TP63: variants seen among roughly 807,000 people sequenced by gnomAD.
The protein encoded by TP63 is tumor protein p63.
In TP63, 17 loss-of-function variants were observed where a neutral mutation model predicts 82.8. That is an observed-to-expected ratio of 0.21 (90% CI 0.14 to 0.31). The LOEUF is 0.31. Ranked by LOEUF, TP63 falls within the 10% of genes least tolerant of loss-of-function variation. TP63 has a pLI of 1.00. For missense variants in TP63, 648 were observed against 895.3 expected (o/e 0.72, Z 3.52); for synonymous variants, 330 against 321.7 (o/e 1.03, Z -0.28).
At chr3:189,824,061 C>T (rs765813861) in intron 4 of TP63, among the ~76,000 whole-genome samples, 5 of 152,078 alleles carry the variant, frequency 3.3e-5, no homozygotes, top group Non-Finnish European at 5.9e-5. Flanking sequence ...TCAAGAGGAT[C>T]CTTTCAAAGG....
intron 3 of TP63, among the ~76,000 whole-genome samples, chr3:189,789,232 T>C (rs1724878428): frequency 6.6e-6 from 1 of 152,102 alleles, no homozygotes; most frequent in African/African-American, 2.4e-5. Flanking sequence ...TTTCTAACTT[T>C]GTGTAATCAT....
At chr3:189,671,315 C>T (rs1471109071) in intron 1 of TP63, among the ~76,000 whole-genome samples, 1 of 151,910 alleles carries the variant, frequency 6.6e-6, no homozygotes, top group Non-Finnish European at 1.5e-5. Flanking sequence ...CAGGGAAATG[C>T]AAATCAAAAC....
chr3:189,804,348 G>A (rs1007833819), intron 3 of TP63, among the ~76,000 whole-genome samples: 1 of 152,126 alleles, frequency 6.6e-6, no homozygotes, highest in African/African-American at 2.4e-5. Flanking sequence ...CAGCTTCATG[G>A]GCATAAAAAC....
chr3:189,867,269 C>T (rs925387904), intron 6 of TP63, among the ~76,000 whole-genome samples: 1 of 152,144 alleles, frequency 6.6e-6, no homozygotes, highest in Non-Finnish European at 1.5e-5. Flanking sequence ...TAACAGGACC[C>T]AAGTTCTTTG....
intron 3 of TP63, among the ~76,000 whole-genome samples, chr3:189,806,106 T>C (rs375537612): frequency 6.8e-6 from 1 of 148,006 alleles, no homozygotes; most frequent in Admixed American, 6.7e-5. Context: ...TAAGTCCTTG[T>C]TGAATTGAAG....
chr3:189,694,688 A>T (rs960805419), intron 1 of TP63, among the ~76,000 whole-genome samples: 1 of 148,070 alleles, frequency 6.8e-6, no homozygotes, highest in South Asian at 2.1e-4. Context: ...AATACTGATC[A>T]CCTGGCTGAG....
intron 4 of TP63, 100 bp downstream of exon 4, chr3:189,808,626 T>C (rs1727197594): frequency 6.3e-7 from 1 of 1,593,132 alleles, no homozygotes; most frequent in Non-Finnish European, 8.5e-7. Flanking sequence ...AGCGATTCCA[T>C]GTTCATGGTG....
chr3:189,868,615 G>A lies in TP63; in HGVS notation c.1028G>A (p.Arg343Gln), dbSNP rs121908841. 6.2e-7 allele frequency: 1 copy of A among 1,614,086 alleles called. No individual in the cohort carries two copies. The highest frequency in any genetic ancestry group is 8.5e-7 in the Non-Finnish European group (1 of 1,179,990). The change falls in exon 8 of 14, where the codon CGG becomes CAG. Residue 343 changes from arginine (R) to glutamine (Q), a missense_variant. By Grantham distance (43) the Arg-to-Gln change is conservative. Transcript: ENST00000264731. ...CTGGGCCGACGCTGCTTTGAGGCCC[G>A]GATCTGTGCTTGCCCAGGAAGAGAC... ...QVLGRRCFEA[R>Q]ICACPGRDRK...
intron 4 of TP63, among the ~76,000 whole-genome samples, chr3:189,819,807 A>G (rs1361009842): frequency 7.9e-6 from 1 of 127,148 alleles, no homozygotes; most frequent in Admixed American, 1.0e-4. Flanking sequence ...GCTGGAGTGC[A>G]GTGGTGCCAC....
intron 3 of TP63, among the ~76,000 whole-genome samples, chr3:189,792,796 T>C (rs975183161): frequency 1.3e-5 from 2 of 152,036 alleles, no homozygotes; most frequent in East Asian, 1.9e-4. Context: ...ACAAAGCCAG[T>C]TGAATGCAAG....
At chr3:189,788,127 T>C (rs1724764294) in intron 3 of TP63, among the ~76,000 whole-genome samples, 1 of 151,940 alleles carries the variant, frequency 6.6e-6, no homozygotes, top group Non-Finnish European at 1.5e-5. Flanking sequence ...TTTGGTTAAT[T>C]ATAGGTAGAA....
chr3:189,610,635 C>T, the TP63 span, among the ~76,000 whole-genome samples: 1 of 152,186 alleles, frequency 6.6e-6, no homozygotes, highest in Non-Finnish European at 1.5e-5. Context: ...CCACATTTTC[C>T]TATCTTCTTC....
chr3:189,779,943 G>A (rs1047003449), intron 3 of TP63, among the ~76,000 whole-genome samples: 1 of 152,026 alleles, frequency 6.6e-6, no homozygotes, highest in African/African-American at 2.4e-5. Flanking sequence ...TTTCAGTGTG[G>A]GATTCATGAA....
intron 1 of TP63, among the ~76,000 whole-genome samples, chr3:189,708,871 G>A (rs1220802786): frequency 6.6e-6 from 1 of 152,070 alleles, no homozygotes. Flanking sequence ...ATTGCTTCAC[G>A]GCTCAGAGAC....
At chr3:189,617,232 G>T in the TP63 span, among the ~76,000 whole-genome samples, 1 of 152,146 alleles carries the variant, frequency 6.6e-6, no homozygotes, top group African/African-American at 2.4e-5. Flanking sequence ...TTGATGTAAC[G>T]CATACAGTGC....
At chr3:189,811,384 T>C (rs1221106352) in intron 4 of TP63, among the ~76,000 whole-genome samples, 2 of 152,226 alleles carry the variant, frequency 1.3e-5, no homozygotes, top group Non-Finnish European at 2.9e-5. Context: ...GCATTCTACC[T>C]ATAAATTTTA....
intron 1 of TP63, among the ~76,000 whole-genome samples, chr3:189,734,662 T>C (rs1422459632): frequency 6.6e-6 from 1 of 152,168 alleles, no homozygotes; most frequent in Admixed American, 6.5e-5. Flanking sequence ...TGGCCTTGTC[T>C]TCCTCCTGCT....
chr3:189,631,953 T>C (rs13087793), intron 1 of TP63, among the ~76,000 whole-genome samples: 17,990 of 152,164 alleles, frequency 0.12, 1,458 homozygotes, highest in East Asian at 0.4. Flanking sequence ...CCAAATAATT[T>C]TGATTTATAC....
intron 9 of TP63, among the ~76,000 whole-genome samples, chr3:189,870,261 A>C (rs9865857): frequency 0.44 from 67,328 of 151,968 alleles, 15,899 homozygotes; most frequent in African/African-American, 0.61. Flanking sequence ...AGCCCTCCCT[A>C]TCTGCCTGTT....
Sources: allele counts gnomAD v4.1 joint callset (sites outside exome capture counted in the v4.1 genomes callset), GRCh38; gene constraint gnomAD v4.1.1; transcripts MANE v1.5; gene names NCBI Gene and HGNC (gene_info 2026-07-23, HGNC 2026-07-21).